The following PRKG1 variants were observed in gnomAD, a reference collection of about 807,000 sequenced individuals.
PRKG1 encodes the protein cGMP-dependent protein kinase 1.
PRKG1 carries 35 observed loss-of-function variants against 88.1 expected under a neutral mutation model. That is an observed-to-expected ratio of 0.40 (90% CI 0.30 to 0.53). PRKG1 has a LOEUF of 0.53. PRKG1 is among the 20% of genes least tolerant of loss of function. The probability of loss-of-function intolerance (pLI) is 0.59; values close to 1 mark genes in which losing one functional copy is unlikely to be tolerated. For missense variants in PRKG1, 540 were observed against 839.8 expected (o/e 0.64, Z 4.41); for synonymous variants, 303 against 292.5 (o/e 1.04, Z -0.37).
At chr10:51,534,324 T>C (rs1842087536) in intron 3 of PRKG1, among the ~76,000 whole-genome samples, 1 of 152,058 alleles carries the variant, frequency 6.6e-6, no homozygotes, top group African/African-American at 2.4e-5. Flanking sequence ...GCAAAAGATA[T>C]TTTGCATAAT....
At chr10:51,196,698 A>G (rs1029313021) in intron 2 of PRKG1, among the ~76,000 whole-genome samples, 4 of 152,164 alleles carry the variant, frequency 2.6e-5, no homozygotes, top group African/African-American at 9.7e-5. Context: ...GAAAGTTTAA[A>G]CTTCAGGTGT....
intron 6 of PRKG1, among the ~76,000 whole-genome samples, chr10:52,060,859 C>T (rs891843497): frequency 1.3e-5 from 2 of 151,890 alleles, no homozygotes; most frequent in African/African-American, 4.8e-5. Flanking sequence ...CACAGTAACA[C>T]AGTTAATAGC....
chr10:51,347,334 C>T (rs1413499718), intron 2 of PRKG1, among the ~76,000 whole-genome samples: 1 of 152,162 alleles, frequency 6.6e-6, no homozygotes, highest in Admixed American at 6.5e-5. Flanking sequence ...ATTCTTTTAA[C>T]GACGGAAAAG....
intron 5 of PRKG1, among the ~76,000 whole-genome samples, chr10:51,914,438 A>G (rs987093858): frequency 6.6e-6 from 1 of 152,210 alleles, no homozygotes; most frequent in African/African-American, 2.4e-5. Context: ...TATTGAAAAC[A>G]CCAAATTGGA....
At chr10:51,877,123 C>G (rs1841319036) in intron 4 of PRKG1, among the ~76,000 whole-genome samples, 2 of 152,012 alleles carry the variant, frequency 1.3e-5, no homozygotes, top group Admixed American at 1.3e-4. Context: ...CTTTCTCCCC[C>G]CATGCACCCT....
chr10:51,670,596 C>A (rs865964537), intron 3 of PRKG1, among the ~76,000 whole-genome samples: 2 of 148,830 alleles, frequency 1.3e-5, no homozygotes, highest in African/African-American at 4.9e-5. Context: ...ATTAGCCGGG[C>A]GTAGTGGCGG....
At chr10:52,120,005 C>CAG (rs765397932) in intron 7 of PRKG1, among the ~76,000 whole-genome samples, 3 of 137,750 alleles carry the variant, frequency 2.2e-5, no homozygotes, top group Admixed American at 7.3e-5. Context: ...GAGAGAGAGA[C>CAG]AGAGAGAGAG....
chr10:51,276,570 C>A lies in PRKG1; in HGVS notation c.478+123240C>A, dbSNP rs555388243. 4.6e-3 allele frequency among the ~76,000 whole-genome samples: 705 copies of A among 152,240 alleles called. 4 individuals carry two copies. Among genetic ancestry groups the A allele is most frequent in the African/African-American group, 0.016 (678 of 41,552 alleles). ...CTTCCACAATGGTTGAACTAGTTTA[C>A]AGTCCCACCAACAGTGTAAAAGTGT... On this transcript the variant is annotated intron_variant, in intron 2 of 17. Transcript: ENST00000373980.
chr10:51,557,247 C>T lies in PRKG1; in HGVS notation c.592+89411C>T, dbSNP rs139756580. ...TAAGAAATGCTGCTGGGTTAGATAA[C>T]TAAGCTCATAAGGAGCCATGGGGAA... On this transcript the variant is annotated intron_variant, in intron 3 of 17. Coordinates refer to ENST00000373980, the MANE Select transcript of PRKG1 (RefSeq NM_006258.4). 2.0e-3 allele frequency among the ~76,000 whole-genome samples: 301 copies of T among 152,046 alleles called. 2 individuals carry two copies. The highest frequency in any genetic ancestry group is 6.9e-3 in the African/African-American group (288 of 41,492).
chr10:52,130,727 C>T (rs1332199133), intron 7 of PRKG1, among the ~76,000 whole-genome samples: 1 of 152,164 alleles, frequency 6.6e-6, no homozygotes, highest in Non-Finnish European at 1.5e-5. Flanking sequence ...ATGAGCACTA[C>T]AGAAGTTTCC....
chr10:52,282,421 T>C, intron 14 of PRKG1, 105 bp downstream of exon 14: 1 of 1,116,678 alleles, frequency 9.0e-7, no homozygotes, highest in South Asian at 2.3e-5. Context: ...CTTTTCACCA[T>C]ATCTTGGTAC....
At chr10:51,293,363 T>A (rs1840633100) in intron 2 of PRKG1, among the ~76,000 whole-genome samples, 1 of 152,138 alleles carries the variant, frequency 6.6e-6, no homozygotes, top group Non-Finnish European at 1.5e-5. Context: ...CCCTGGCCAA[T>A]AACACTTCAT....
chr10:51,247,984 A>C (rs16915860), intron 2 of PRKG1, among the ~76,000 whole-genome samples: 2,583 of 151,940 alleles, frequency 0.017, 64 homozygotes, highest in African/African-American at 0.059. Flanking sequence ...TATAACTTGA[A>C]TTACTGTGTC....
intron 4 of PRKG1, among the ~76,000 whole-genome samples, chr10:51,879,221 T>C (rs944947171): frequency 2.9e-4 from 44 of 152,220 alleles, no homozygotes; most frequent in Admixed American, 1.1e-3. Flanking sequence ...GACTATAATA[T>C]ATTTGTAAAC....
At chr10:51,518,003 A>G (rs1298364742) in intron 3 of PRKG1, among the ~76,000 whole-genome samples, 1 of 152,056 alleles carries the variant, frequency 6.6e-6, no homozygotes, top group Non-Finnish European at 1.5e-5. Context: ...AGGACCTGGA[A>G]TCTTTGTTTT....
intron 7 of PRKG1, among the ~76,000 whole-genome samples, chr10:52,084,644 T>C (rs1846865677): frequency 6.6e-6 from 1 of 152,010 alleles, no homozygotes; most frequent in Non-Finnish European, 1.5e-5. Flanking sequence ...TTCACCCTTT[T>C]CTCCCTAATG....
intron 2 of PRKG1, among the ~76,000 whole-genome samples, chr10:51,328,987 T>A (rs778827998): frequency 3.9e-5 from 6 of 152,186 alleles, no homozygotes; most frequent in Non-Finnish European, 5.9e-5. Context: ...ATTTTAGGCA[T>A]AGTTTGCAAA....
chr10:52,217,019 A>T (rs1341631947), intron 9 of PRKG1, among the ~76,000 whole-genome samples: 1 of 151,866 alleles, frequency 6.6e-6, no homozygotes, highest in Non-Finnish European at 1.5e-5. Flanking sequence ...GTGCCATTCC[A>T]CTTCCTGTCT....
At chr10:51,227,493 C>G (rs1838724120) in intron 2 of PRKG1, among the ~76,000 whole-genome samples, 1 of 151,984 alleles carries the variant, frequency 6.6e-6, no homozygotes, top group Non-Finnish European at 1.5e-5. Context: ...TCCAATTTAC[C>G]TTGTTGAACA....
Sources: gnomAD v4.1 joint callset for allele counts (sites outside exome capture counted in the v4.1 genomes callset) on GRCh38, gnomAD v4.1.1 for gene constraint, MANE v1.5 for transcripts, NCBI Gene and HGNC (gene_info 2026-07-23, HGNC 2026-07-21) for gene names.